ATP10A: variants seen among roughly 807,000 people sequenced by gnomAD.
The protein encoded by ATP10A is ATPase phospholipid transporting 10A (putative).
Under a neutral mutation model 147.8 loss-of-function variants are expected in ATP10A, and 111 were observed. The observed-to-expected ratio is 0.75, with a 90% CI of 0.64 to 0.88. The LOEUF is 0.88. ATP10A is among the 40% of genes least tolerant of loss of function. The pLI is 0.00. For missense variants in ATP10A, 1,927 were observed against 1,959.0 expected, an observed-to-expected ratio of 0.98 and a Z score of 0.31; for synonymous variants, 875 against 841.6, an observed-to-expected ratio of 1.04 and a Z score of -0.69.
At chr15:25,841,082 C>G (rs1395775545) in intron 1 of ATP10A, among the ~76,000 whole-genome samples, 2 of 152,122 alleles carry the variant, frequency 1.3e-5, no homozygotes, top group African/African-American at 4.8e-5. Context: ...TCTCTCTCGT[C>G]TGGAATTTCT....
At chr15:25,840,176 CTTTTA>C (rs1261735452) in intron 1 of ATP10A, among the ~76,000 whole-genome samples, 2 of 152,074 alleles carry the variant, frequency 1.3e-5, no homozygotes, top group Non-Finnish European at 2.9e-5. Flanking sequence ...GTTTTCCTAA[CTTTTA>C]TTTTAGGTTT....
chr15:25,752,665 T>C (rs1443088280), intron 2 of ATP10A, among the ~76,000 whole-genome samples: 4 of 152,238 alleles, frequency 2.6e-5, no homozygotes, highest in African/African-American at 9.6e-5. Flanking sequence ...TAACTCTACA[T>C]AAATTTGAGG....
chr15:25,784,900 T>G (rs1596881352), intron 1 of ATP10A, among the ~76,000 whole-genome samples: 1 of 144,304 alleles, frequency 6.9e-6, no homozygotes. Context: ...CCAGCCTGGG[T>G]GACGGAGCGA....
chr15:25,805,717 C>T (rs1371732232), intron 1 of ATP10A, among the ~76,000 whole-genome samples: 3 of 152,010 alleles, frequency 2.0e-5, no homozygotes, highest in African/African-American at 7.2e-5. Context: ...TTTTTTCCCC[C>T]AAAATTAAGT....
At chr15:25,810,524 G>A (rs1402833504) in intron 1 of ATP10A, among the ~76,000 whole-genome samples, 3 of 152,180 alleles carry the variant, frequency 2.0e-5, no homozygotes, top group African/African-American at 7.2e-5. Context: ...CACGGGGACT[G>A]TTTTGCAAAA....
intron 2 of ATP10A, 37 bp from the exon 3 acceptor site, chr15:25,736,178 G>C: frequency 6.4e-6 from 10 of 1,574,096 alleles, no homozygotes; most frequent in Non-Finnish European, 8.7e-6. Flanking sequence ...AGAAATCCGG[G>C]CTCAGGCTGC....
rs376392716 is a variant in ATP10A, at chr15:25,725,931, G to A, written c.979+20C>T. ...CTGCGCCTGGCCCCCACTCATTTCC[G>A]ATCCATCTAGGAGACTTACCGACTG... On this transcript the variant is annotated intron_variant, in intron 5 of 20. Transcript: ENST00000555815. 313 of 1,597,064 alleles carry A rather than the reference G, an allele frequency of 2.0e-4. No homozygotes were observed. Among genetic ancestry groups the A allele is most frequent in the Non-Finnish European group, 2.2e-4 (259 of 1,168,006 alleles).
At chr15:25,812,370 A>G (rs1019881278) in intron 1 of ATP10A, among the ~76,000 whole-genome samples, 1 of 152,238 alleles carries the variant, frequency 6.6e-6, no homozygotes, top group Non-Finnish European at 1.5e-5. Context: ...TTTGTAACAC[A>G]GAGTGTTATG....
intron 1 of ATP10A, among the ~76,000 whole-genome samples, chr15:25,830,771 G>A (rs894518297): frequency 5.9e-5 from 9 of 152,140 alleles, no homozygotes; most frequent in African/African-American, 2.2e-4. Context: ...TATTAAACCT[G>A]TTTCAAAAGA....
chr15:25,690,274 C>G (rs1332948916), intron 15 of ATP10A, among the ~76,000 whole-genome samples: 1 of 149,504 alleles, frequency 6.7e-6, no homozygotes, highest in East Asian at 2.0e-4. Flanking sequence ...GACTGGGTCT[C>G]ATTGTATTGC....
At position 25,860,038 on chromosome 15, in the gene ATP10A, T is replaced by A. The variant is rs537916204; in HGVS notation, c.449+2610A>T. Among the ~76,000 whole-genome samples, 153 of 152,292 alleles carry A rather than the reference T, an allele frequency of 1.0e-3. 3 individuals are homozygous for A. The South Asian group carries it at 0.014, about 14-fold the overall frequency. ...ACAGTTCACAGTCGTGCGTCTGGTCTTCTCTGCAGTCAACCAAACGCACTG... is the reference window on the plus strand; with the variant it reads ...ACAGTTCACAGTCGTGCGTCTGGTCATCTCTGCAGTCAACCAAACGCACTG... On this transcript the variant is annotated intron_variant, in intron 1 of 20. Coordinates refer to ENST00000555815, the MANE Select transcript of ATP10A (RefSeq NM_024490.4).
intron 1 of ATP10A, among the ~76,000 whole-genome samples, chr15:25,821,822 G>A (rs1173371257): frequency 6.6e-6 from 1 of 152,204 alleles, no homozygotes; most frequent in Non-Finnish European, 1.5e-5. Context: ...ATTGGTAACA[G>A]CTCTGAATGG....
chr15:25,757,426 C>A (rs1021959069), intron 2 of ATP10A, among the ~76,000 whole-genome samples: 5 of 151,754 alleles, frequency 3.3e-5, no homozygotes, highest in African/African-American at 9.7e-5. Context: ...GCAAAATGTA[C>A]AAAGAAAGTA....
intron 1 of ATP10A, among the ~76,000 whole-genome samples, chr15:25,784,715 G>C (rs1890077237): frequency 6.6e-6 from 1 of 152,144 alleles, no homozygotes; most frequent in Admixed American, 6.5e-5. Context: ...ACAAGGTCAG[G>C]AGTTTGAGAC....
chr15:25,701,541 T>C (rs569847935), intron 13 of ATP10A, among the ~76,000 whole-genome samples: 5 of 152,138 alleles, frequency 3.3e-5, no homozygotes, highest in African/African-American at 1.2e-4. Context: ...AACAGACAAA[T>C]CCAACTGGAT....
Position 25,716,784 on chromosome 15 carries a change from T to C in ATP10A, c.1722A>G (p.Ala574=). The C allele has an allele frequency of 1.2e-6, 2 of 1,607,822 alleles. No homozygotes were observed. Among genetic ancestry groups the C allele is most frequent in the South Asian group, 1.1e-5 (1 of 89,976 alleles). Residue 574 remains alanine, a synonymous_variant, in exon 9 of 21, where the codon GCA becomes GCG. Coordinates refer to ENST00000555815, the MANE Select transcript of ATP10A (RefSeq NM_024490.4). The stretch of plus-strand genomic sequence containing the variant: ...CGACGACTGTGTTGCAGATGGTGAG[T>C]GCGATGAAGAAATCAAAGACGTCAG... ...ELSDVFDFFI[A]LTICNTVVVT...
At chr15:25,740,885 C>T (rs572656623) in intron 2 of ATP10A, among the ~76,000 whole-genome samples, 4 of 152,376 alleles carry the variant, frequency 2.6e-5, no homozygotes, top group African/African-American at 9.6e-5. Context: ...GCGCTGACCT[C>T]CTCGGCTACC....
intron 3 of ATP10A, among the ~76,000 whole-genome samples, chr15:25,728,794 C>T (rs998417218): frequency 6.6e-6 from 1 of 152,224 alleles, no homozygotes; most frequent in Non-Finnish European, 1.5e-5. Context: ...CCAAGCCAGA[C>T]GGCAACTTGG....
intron 1 of ATP10A, among the ~76,000 whole-genome samples, chr15:25,804,305 G>T (rs1260919744): frequency 6.6e-6 from 1 of 151,024 alleles, no homozygotes; most frequent in Non-Finnish European, 1.5e-5. Flanking sequence ...GAGTGTTCGT[G>T]TGTGTCTAAT....
Sources: allele counts gnomAD v4.1 joint callset (sites outside exome capture counted in the v4.1 genomes callset), GRCh38; gene constraint gnomAD v4.1.1; transcripts MANE v1.5; gene names NCBI Gene and HGNC (gene_info 2026-07-23, HGNC 2026-07-21).